Variants in SV2B observed in about 807,000 individuals in gnomAD.
SV2B encodes synaptic vesicle glycoprotein 2B.
SV2B carries 41 observed loss-of-function variants against 73.9 expected under a neutral mutation model. The observed-to-expected ratio is 0.56, with a 90% CI of 0.43 to 0.72. The LOEUF is 0.72. Among genes scored for constraint, SV2B ranks in the 30% least tolerant of loss-of-function variants. The pLI, the probability that SV2B is intolerant of heterozygous loss-of-function variation, is 0.00. For synonymous variants in SV2B, 314 were observed against 314.2 expected (o/e 1.00, Z 0.01); for missense variants, 764 against 857.8 (o/e 0.89, Z 1.37).
At chr15:91,171,635 C>T (rs1012404117) in intron 1 of SV2B, among the ~76,000 whole-genome samples, 1 of 152,158 alleles carries the variant, frequency 6.6e-6, no homozygotes, top group African/African-American at 2.4e-5. Context: ...AACATACAGA[C>T]CCAGCGAAAA....
At chr15:91,135,394 G>A (rs1467893594) in intron 1 of SV2B, among the ~76,000 whole-genome samples, 1 of 152,192 alleles carries the variant, frequency 6.6e-6, no homozygotes, top group East Asian at 1.9e-4. Context: ...TGTCGGGGGT[G>A]TCATACTTCT....
At chr15:91,120,640 C>A (rs190911925) in intron 1 of SV2B, among the ~76,000 whole-genome samples, 98 of 151,820 alleles carry the variant, frequency 6.5e-4, no homozygotes, top group African/African-American at 2.1e-3. Context: ...AGGGTGAAAC[C>A]CCATCTCTAC....
chr15:91,249,458 A>G (rs1567391707), intron 2 of SV2B, among the ~76,000 whole-genome samples: 1 of 152,242 alleles, frequency 6.6e-6, no homozygotes, highest in Admixed American at 6.5e-5. Context: ...GGATGGAACC[A>G]TTCCTCACTT....
chr15:91,155,340 C>T (rs746370895), intron 1 of SV2B, among the ~76,000 whole-genome samples: 5 of 152,182 alleles, frequency 3.3e-5, no homozygotes, highest in Non-Finnish European at 5.9e-5. Context: ...TGTAGATGGA[C>T]GTGGTACTGA....
chr15:91,256,310 G>A (rs1001042677), intron 4 of SV2B, among the ~76,000 whole-genome samples: 2 of 152,178 alleles, frequency 1.3e-5, no homozygotes, highest in African/African-American at 4.8e-5. Flanking sequence ...CCTAATGAAT[G>A]CGATAAATGC....
intron 2 of SV2B, among the ~76,000 whole-genome samples, chr15:91,243,651 A>T (rs17516708): frequency 0.14 from 22,038 of 152,032 alleles, 1,648 homozygotes; most frequent in Non-Finnish European, 0.17. Flanking sequence ...ATGTTGTCTC[A>T]TGGTTTCATC....
intron 1 of SV2B, among the ~76,000 whole-genome samples, chr15:91,173,612 A>G (rs1596520479): frequency 6.6e-6 from 1 of 152,134 alleles, no homozygotes; most frequent in South Asian, 2.1e-4. Context: ...ATGCAAACTT[A>G]CCCATCCTGT....
intron 1 of SV2B, among the ~76,000 whole-genome samples, chr15:91,148,889 C>G (rs1170942794): frequency 6.6e-6 from 1 of 152,182 alleles, no homozygotes; most frequent in African/African-American, 2.4e-5. Flanking sequence ...ATCCTACCCA[C>G]ATTGGGAGGG....
At chr15:91,125,006 G>C (rs1000394550) in intron 1 of SV2B, among the ~76,000 whole-genome samples, 1 of 152,152 alleles carries the variant, frequency 6.6e-6, no homozygotes, top group Non-Finnish European at 1.5e-5. Context: ...GTCAGGGTGT[G>C]GTCAGTGTTG....
intron 1 of SV2B, among the ~76,000 whole-genome samples, chr15:91,179,333 T>C (rs187669845): frequency 1.3e-5 from 2 of 152,322 alleles, no homozygotes; most frequent in African/African-American, 2.4e-5. Context: ...AATTTTGGAA[T>C]AGGTGTGGTG....
chr15:91,131,479 GTGTT>G (rs1383773625), intron 1 of SV2B, among the ~76,000 whole-genome samples: 3 of 152,074 alleles, frequency 2.0e-5, no homozygotes, highest in Non-Finnish European at 2.9e-5. Context: ...TTTACTGTGA[GTGTT>G]TGGCAGCCTA....
intron 1 of SV2B, among the ~76,000 whole-genome samples, chr15:91,222,703 G>A (rs2046257520): frequency 6.6e-6 from 1 of 152,164 alleles, no homozygotes; most frequent in South Asian, 2.1e-4. Context: ...GGATTTCAAA[G>A]CCAAGCCCTG....
At chr15:91,208,485 T>C (rs890803868) in intron 1 of SV2B, among the ~76,000 whole-genome samples, 1 of 152,178 alleles carries the variant, frequency 6.6e-6, no homozygotes, top group African/African-American at 2.4e-5. Context: ...ACAGAAAACA[T>C]CATGTATTTG....
intron 1 of SV2B, among the ~76,000 whole-genome samples, chr15:91,196,285 G>A (rs1304759719): frequency 2.0e-5 from 3 of 152,208 alleles, no homozygotes; most frequent in Non-Finnish European, 4.4e-5. Context: ...TCTAGAGGGC[G>A]AGAGGGGCTC....
At chr15:91,238,806 A>T (rs2046889995) in intron 2 of SV2B, among the ~76,000 whole-genome samples, 1 of 152,162 alleles carries the variant, frequency 6.6e-6, no homozygotes, top group Admixed American at 6.5e-5. Context: ...GGGGCCCAAG[A>T]GATGATCCGT....
chr15:91,170,109 T>C (rs1445514694), intron 1 of SV2B, among the ~76,000 whole-genome samples: 1 of 152,194 alleles, frequency 6.6e-6, no homozygotes, highest in Non-Finnish European at 1.5e-5. Context: ...TTAATTTGTC[T>C]TTGTAGGTCC....
At chr15:91,099,721 A>G (rs116413341), upstream of SV2B, among the ~76,000 whole-genome samples, 1,187 of 152,250 alleles carry the variant, frequency 7.8e-3, 19 homozygotes, top group African/African-American at 0.027. Context: ...GATGAGGCAA[A>G]CGAGAACAAA....
chr15:91,291,962 GTC>G (rs1428020503), intron 12 of SV2B, among the ~76,000 whole-genome samples: 4 of 152,316 alleles, frequency 2.6e-5, no homozygotes, highest in Admixed American at 6.5e-5. Context: ...GCAACTGGCA[GTC>G]TCTGCTTCAG....
rs2049472935 is a variant in SV2B, at chr15:91,302,510, T to G, written c.*9958T>G. Among the ~76,000 whole-genome samples, 2 of 152,116 alleles carry G rather than the reference T, an allele frequency of 1.3e-5. No homozygotes were observed. The highest frequency in any genetic ancestry group is 2.9e-5 in the Non-Finnish European group (2 of 68,010). ...AAAGTAGCTATGTGAATTTGCCAAA[T>G]AGAAATCTTGGAGGCCAGGTGCAGT... On this transcript the variant is annotated 3_prime_UTR_variant, in exon 13 of 13. Transcript: ENST00000394232.
Sources: allele counts gnomAD v4.1 joint callset (sites outside exome capture counted in the v4.1 genomes callset), GRCh38; gene constraint gnomAD v4.1.1; transcripts MANE v1.5; gene names NCBI Gene and HGNC (gene_info 2026-07-23, HGNC 2026-07-21).